MAP4: variants seen among roughly 807,000 people sequenced by gnomAD.
MAP4 encodes microtubule-associated protein 4.
Under a neutral mutation model 170.2 loss-of-function variants are expected in MAP4, and 76 were observed. The ratio of observed to expected loss-of-function variants is 0.45; its 90% confidence interval spans 0.37 to 0.54. The LOEUF (loss-of-function observed/expected upper bound fraction) is 0.54. MAP4 is among the 20% of genes least tolerant of loss of function. The pLI, the probability that MAP4 is intolerant of heterozygous loss-of-function variation, is 0.00. For synonymous variants in MAP4, 909 were observed against 994.5 expected (o/e 0.91, Z 1.62); for missense variants, 2,506 against 2,748.0 (o/e 0.91, Z 1.97).
chr3:48,067,276 G>GA lies in MAP4; in HGVS notation c.-20+21496dup, dbSNP rs34107421. Among the ~76,000 whole-genome samples the GA allele has an allele frequency of 4.0e-4, 60 of 150,774 alleles. No individual in the cohort carries two copies. In the East Asian group the frequency reaches 8.7e-3, roughly 22 times the overall value. On this transcript the variant is annotated intron_variant, in intron 1 of 18. Transcript: ENST00000360240. ...AACACTCTCATTTTACAGTAGAGGGGAAAAAAAAACCTCAACACAATACTA... is the reference window on the plus strand; with the variant it reads ...AACACTCTCATTTTACAGTAGAGGGGAAAAAAAAAACCTCAACACAATACTA...
intron 1 of MAP4, among the ~76,000 whole-genome samples, chr3:48,045,256 C>G (rs1363073667): frequency 1.4e-5 from 1 of 71,194 alleles, no homozygotes; most frequent in African/African-American, 4.6e-5. Flanking sequence ...GAGACTCAGT[C>G]TCAAAAAAAA....
At chr3:47,917,265 TG>T in intron 6 of MAP4, 91 bp from the exon 7 acceptor site, 2 of 1,067,520 alleles carry the variant, frequency 1.9e-6, no homozygotes, top group South Asian at 3.0e-5. Context: ...ATTTGGCTTT[TG>T]TGACCATAAG....
intron 2 of MAP4, among the ~76,000 whole-genome samples, chr3:47,996,214 G>GGAAAGAGTAATA (rs1464763685): frequency 6.6e-6 from 1 of 152,072 alleles, no homozygotes; most frequent in Non-Finnish European, 1.5e-5. Context: ...CTGTAGCTAG[G>GGAAAGAGTAATA]GAAAGAGTAA....
intron 1 of MAP4, among the ~76,000 whole-genome samples, chr3:48,007,072 G>C (rs962638132): frequency 1.3e-5 from 2 of 152,214 alleles, no homozygotes; most frequent in African/African-American, 4.8e-5. Context: ...GAGAGATCTT[G>C]ATCGCTTTTC....
chr3:47,903,300 A>C (rs1040094094), intron 9 of MAP4, among the ~76,000 whole-genome samples: 1 of 152,162 alleles, frequency 6.6e-6, no homozygotes, highest in African/African-American at 2.4e-5. Context: ...TTGGGAGGCC[A>C]AGGCGGGCGG....
intron 2 of MAP4, among the ~76,000 whole-genome samples, chr3:47,998,094 G>A (rs545650848): frequency 2.0e-5 from 3 of 152,262 alleles, no homozygotes; most frequent in African/African-American, 7.2e-5. Context: ...AAGTCGGCGT[G>A]ACCTCAATTC....
At chr3:47,974,604 T>C (rs2100080859) in intron 3 of MAP4, 3 of 956,906 alleles carry the variant, frequency 3.1e-6, no homozygotes, top group Non-Finnish European at 2.5e-6. Context: ...CAAAACATGG[T>C]CCATGTTTTA....
chr3:47,977,835 C>T (rs576103805), intron 3 of MAP4, 30 bp downstream of exon 3: 14 of 1,503,484 alleles, frequency 9.3e-6, no homozygotes, highest in Admixed American at 8.4e-5. Flanking sequence ...GCATCACCTA[C>T]ACATTTGGGG....
rs1411849132 is a variant in MAP4, at chr3:47,904,251, T to A, written c.5384-1251A>T. On this transcript the variant is annotated intron_variant, in intron 9 of 20. Transcript: ENST00000683076. The stretch of plus-strand genomic sequence containing the variant: ...TGTTATTTTATGTGTGTGTGTATGA[T>A]CTATTTACCTATTTCCAGATAACCA... Among the ~76,000 whole-genome samples, 4 of 152,308 alleles carry A rather than the reference T, an allele frequency of 2.6e-5. No homozygotes were observed. The East Asian group carries it at 5.8e-4, about 22-fold the overall frequency.
chr3:48,082,595 A>G (rs1464743637), intron 1 of MAP4, among the ~76,000 whole-genome samples: 3 of 151,824 alleles, frequency 2.0e-5, no homozygotes, highest in Non-Finnish European at 4.4e-5. Flanking sequence ...TGAGGCCAGG[A>G]GTTCAAGACC....
intron 1 of MAP4, among the ~76,000 whole-genome samples, chr3:48,002,218 G>A (rs1190992314): frequency 2.7e-5 from 4 of 149,870 alleles, no homozygotes; most frequent in African/African-American, 9.9e-5. Flanking sequence ...TCTAGCCTGG[G>A]TGACAGAGCA....
chr3:48,088,480 G>T (rs1321702943), intron 1 of MAP4, among the ~76,000 whole-genome samples: 1 of 151,962 alleles, frequency 6.6e-6, no homozygotes, highest in Non-Finnish European at 1.5e-5. Context: ...AGAGCCCAAG[G>T]CATGTCGCTC....
At chr3:47,920,428 A>G (rs1039282538) in intron 5 of MAP4, among the ~76,000 whole-genome samples, 9 of 151,676 alleles carry the variant, frequency 5.9e-5, no homozygotes, top group Admixed American at 1.3e-4. Context: ...TTTTTAGTAG[A>G]GACGGGATTT....
chr3:47,912,271 C>T lies in MAP4; in HGVS notation c.2150G>A (p.Gly717Asp), dbSNP rs536423979. The T allele has an allele frequency of 1.6e-4, 241 of 1,536,104 alleles. 1 individual carries two copies. The African/African-American group carries it at 2.7e-3, about 17-fold the overall frequency. The change falls in exon 9 of 21, where the codon GGC becomes GAC. Residue 717 changes from glycine to aspartate, a missense_variant. Coordinates refer to ENST00000683076, the MANE Select transcript of MAP4 (RefSeq NM_001385682.1). Reference protein sequence around the residue: ...PPWKTLDHRLGHCSLSESGWV... With the variant: ...PPWKTLDHRLDHCSLSESGWV... ...ACCTGACTCAGACAAAGAGCAGTGG[C>T]CCAGCCTGTGATCAAGAGTCTTCCA...
At chr3:47,956,291 TCC>T (rs2100067788) in intron 3 of MAP4, among the ~76,000 whole-genome samples, 3 of 152,138 alleles carry the variant, frequency 2.0e-5, no homozygotes, top group Admixed American at 6.6e-5. Context: ...GTCAATGGCC[TCC>T]TGAGAGCTCC....
At position 47,906,408 on chromosome 3, in the gene MAP4, A is replaced by G. The variant is rs182639068; in HGVS notation, c.5383+2630T>C. The stretch of plus-strand genomic sequence containing the variant: ...ATCAGTAAAGAAGTACTGGCCAGGC[A>G]CGGTGGCTCAACACCTGTAATTCCA... On this transcript the variant is annotated intron_variant, in intron 9 of 20. Coordinates refer to ENST00000683076, the MANE Select transcript of MAP4 (RefSeq NM_001385682.1). Among the ~76,000 whole-genome samples, 366 of 152,264 alleles carry G rather than the reference A, an allele frequency of 2.4e-3. 13 individuals are homozygous for G. The highest frequency in any genetic ancestry group is 0.024 in the Admixed American group (363 of 15,288).
At chr3:47,983,032 G>A (rs1450212992) in intron 2 of MAP4, among the ~76,000 whole-genome samples, 1 of 152,094 alleles carries the variant, frequency 6.6e-6, no homozygotes, top group African/African-American at 2.4e-5. Flanking sequence ...CAAGTAGCTG[G>A]TAGCTGGGAC....
At chr3:47,884,889 G>A (rs1247214851) in intron 10 of MAP4, among the ~76,000 whole-genome samples, 2 of 152,156 alleles carry the variant, frequency 1.3e-5, no homozygotes, top group African/African-American at 4.8e-5. Flanking sequence ...AGCCACTGGT[G>A]CTGTTACCTG....
chr3:48,079,512 G>C (rs1054544570), intron 1 of MAP4, among the ~76,000 whole-genome samples: 5 of 151,620 alleles, frequency 3.3e-5, no homozygotes, highest in African/African-American at 1.2e-4. Context: ...AAATTAGCTG[G>C]GGCCTGGTGG....
Sources: allele counts gnomAD v4.1 joint callset (sites outside exome capture counted in the v4.1 genomes callset), GRCh38; gene constraint gnomAD v4.1.1; transcripts MANE v1.5; gene names NCBI Gene and HGNC (gene_info 2026-07-23, HGNC 2026-07-21).